Variants in SLC24A2 observed in about 807,000 individuals in gnomAD.
SLC24A2 encodes sodium/potassium/calcium exchanger 2.
In SLC24A2, 36 loss-of-function variants were observed where a neutral mutation model predicts 62.0. The observed-to-expected ratio is 0.58, with a 90% CI of 0.44 to 0.77. The LOEUF (loss-of-function observed/expected upper bound fraction) is 0.77. Among genes scored for constraint, SLC24A2 ranks in the 30% least tolerant of loss-of-function variants. SLC24A2 has a pLI of 0.00. For synonymous variants in SLC24A2, 358 were observed against 294.0 expected, an observed-to-expected ratio of 1.22 and a Z score of -2.23; for missense variants, 846 against 817.9, an observed-to-expected ratio of 1.03 and a Z score of -0.42.
chr9:19,587,509 C>T (rs1587000194), intron 5 of SLC24A2, among the ~76,000 whole-genome samples: 1 of 152,316 alleles, frequency 6.6e-6, no homozygotes, highest in Non-Finnish European at 1.5e-5. Context: ...GCAGCAGAAG[C>T]ACTGGCACAT....
intron 7 of SLC24A2, among the ~76,000 whole-genome samples, chr9:19,564,757 A>G (rs1397296270): frequency 6.6e-6 from 1 of 152,184 alleles, no homozygotes; most frequent in Non-Finnish European, 1.5e-5. Context: ...ACAGTTTTTA[A>G]AAGTTGAATT....
chr9:20,030,683 G>A, the SLC24A2 span, among the ~76,000 whole-genome samples: 1 of 152,216 alleles, frequency 6.6e-6, no homozygotes, highest in Non-Finnish European at 1.5e-5. Context: ...GCTGTTGTAA[G>A]AGTTCTGTAA....
intron 2 of SLC24A2, among the ~76,000 whole-genome samples, chr9:19,668,430 T>G (rs1819319499): frequency 6.6e-6 from 1 of 152,184 alleles, no homozygotes; most frequent in Non-Finnish European, 1.5e-5. Flanking sequence ...TTGGGACCAA[T>G]TTCCTCAAAT....
At chr9:20,188,953 C>CT in the SLC24A2 span, among the ~76,000 whole-genome samples, 4 of 152,208 alleles carry the variant, frequency 2.6e-5, no homozygotes, top group South Asian at 8.3e-4. Flanking sequence ...AGCAGGAAAT[C>CT]TGAGTTATTC....
chr9:19,856,874 C>T, the SLC24A2 span, among the ~76,000 whole-genome samples: 2 of 152,204 alleles, frequency 1.3e-5, no homozygotes, highest in Non-Finnish European at 2.9e-5. Context: ...GACAAATCCC[C>T]CTTATCTGGA....
chr9:19,657,926 C>T (rs1371782416), intron 2 of SLC24A2, among the ~76,000 whole-genome samples: 1 of 152,132 alleles, frequency 6.6e-6, no homozygotes, highest in African/African-American at 2.4e-5. Flanking sequence ...GATGAGGTCT[C>T]ACTATGTTGC....
In SLC24A2 at chr9:19,684,797, G is replaced by A. The variant is rs965801393; in HGVS notation, c.931-62498C>T. ...CAAATTCACTATGTTTTGAGGAGAA[G>A]GATGCCTACTCTTACCACTCCTGTT... On this transcript the variant is annotated intron_variant, in intron 2 of 10. Transcript: ENST00000341998. 6.6e-5 allele frequency among the ~76,000 whole-genome samples: 10 copies of A among 151,930 alleles called. No individual in the cohort carries two copies. The East Asian group carries it at 1.4e-3, about 21-fold the overall frequency.
the SLC24A2 span, among the ~76,000 whole-genome samples, chr9:20,034,912 G>A: frequency 6.6e-6 from 1 of 152,176 alleles, no homozygotes; most frequent in African/African-American, 2.4e-5. Context: ...GAACGTGCAT[G>A]TTTGAAATTC....
chr9:20,270,559 G>T, the SLC24A2 span, among the ~76,000 whole-genome samples: 1 of 152,144 alleles, frequency 6.6e-6, no homozygotes, highest in Non-Finnish European at 1.5e-5. Context: ...CCCTGAAGGT[G>T]ATTTAGCAAG....
At chr9:19,958,331 A>T in the SLC24A2 span, among the ~76,000 whole-genome samples, 1 of 152,174 alleles carries the variant, frequency 6.6e-6, no homozygotes, top group Non-Finnish European at 1.5e-5. Context: ...GCTGACAGAT[A>T]CTAACGAGGA....
chr9:19,932,191 T>A, the SLC24A2 span, among the ~76,000 whole-genome samples: 1 of 152,200 alleles, frequency 6.6e-6, no homozygotes, highest in Non-Finnish European at 1.5e-5. Context: ...TAGTCAAAGT[T>A]GTAAGAAAAA....
At chr9:19,864,078 C>G in the SLC24A2 span, among the ~76,000 whole-genome samples, 1 of 151,782 alleles carries the variant, frequency 6.6e-6, no homozygotes, top group African/African-American at 2.4e-5. Context: ...ACTGGAAAAT[C>G]TAGAAAAAAT....
chr9:19,839,115 A>G, the SLC24A2 span, among the ~76,000 whole-genome samples: 1 of 152,250 alleles, frequency 6.6e-6, no homozygotes, highest in East Asian at 1.9e-4. Flanking sequence ...GAAGACATTT[A>G]TGCAGCCAAA....
At chr9:19,545,568 C>T (rs1834518620) in intron 8 of SLC24A2, among the ~76,000 whole-genome samples, 1 of 152,082 alleles carries the variant, frequency 6.6e-6, no homozygotes, top group South Asian at 2.1e-4. Context: ...AATTTATCTA[C>T]CGTCGGTCTT....
the SLC24A2 span, among the ~76,000 whole-genome samples, chr9:20,058,853 C>T: frequency 6.6e-6 from 1 of 152,190 alleles, no homozygotes; most frequent in Non-Finnish European, 1.5e-5. Context: ...GTTGAGTCCC[C>T]CTTTTATTCC....
intron 2 of SLC24A2, among the ~76,000 whole-genome samples, chr9:19,737,328 T>C (rs1642931560): frequency 6.6e-6 from 1 of 152,244 alleles, no homozygotes; most frequent in African/African-American, 2.4e-5. Context: ...TTATTGTTTA[T>C]ATATGACTGA....
At chr9:19,654,985 A>T (rs748676318) in intron 2 of SLC24A2, among the ~76,000 whole-genome samples, 1 of 152,176 alleles carries the variant, frequency 6.6e-6, no homozygotes, top group African/African-American at 2.4e-5. Flanking sequence ...ACAAATACTC[A>T]TTGCATACAG....
the SLC24A2 span, among the ~76,000 whole-genome samples, chr9:20,137,869 CTCAA>C: frequency 1.3e-5 from 2 of 152,244 alleles, no homozygotes; most frequent in African/African-American, 4.8e-5. Context: ...ACATATCTCA[CTCAA>C]TATTGATGAT....
intron 2 of SLC24A2, among the ~76,000 whole-genome samples, chr9:19,636,321 T>TTTC (rs1564009736): frequency 4.1e-5 from 1 of 24,168 alleles, no homozygotes; most frequent in East Asian, 1.1e-3. Flanking sequence ...TTTCTTTTCT[T>TTTC]TCTTTCTTTC....
Sources: gnomAD v4.1 joint callset for allele counts (sites outside exome capture counted in the v4.1 genomes callset) on GRCh38, gnomAD v4.1.1 for gene constraint, MANE v1.5 for transcripts, NCBI Gene and HGNC (gene_info 2026-07-23, HGNC 2026-07-21) for gene names.